The following PLEKHM1 variants were observed in gnomAD, a reference collection of about 807,000 sequenced individuals.
PLEKHM1 encodes pleckstrin homology domain-containing family M member 1.
Under a neutral mutation model 94.3 loss-of-function variants are expected in PLEKHM1, and 28 were observed. The observed-to-expected ratio is 0.30, with a 90% CI of 0.22 to 0.41. The LOEUF (loss-of-function observed/expected upper bound fraction) is 0.41, where lower values mean the gene tolerates loss of function less well. Ranked by LOEUF, PLEKHM1 falls within the 10% of genes least tolerant of loss-of-function variation. The probability of loss-of-function intolerance (pLI) is 1.00; values close to 1 mark genes in which losing one functional copy is unlikely to be tolerated. For synonymous variants in PLEKHM1, 424 were observed against 581.2 expected, an observed-to-expected ratio of 0.73 and a Z score of 3.89; for missense variants, 907 against 1,358.6, an observed-to-expected ratio of 0.67 and a Z score of 5.22.
intron 4 of PLEKHM1, among the ~76,000 whole-genome samples, chr17:45,470,421 G>A (rs1445719410): frequency 6.6e-6 from 1 of 152,414 alleles, no homozygotes; most frequent in Non-Finnish European, 1.5e-5. Context: ...CTGAGGCCAG[G>A]AGTTCGAGAT....
rs530311585 is a variant in PLEKHM1 at position 45,445,027 on chromosome 17, G to A, written c.2837+443C>T. Among the ~76,000 whole-genome samples the A allele has an allele frequency of 5.1e-4, 78 of 152,314 alleles. No individual in the cohort carries two copies. Among genetic ancestry groups the A allele is most frequent in the African/African-American group, 1.6e-3 (66 of 41,568 alleles). On this transcript the variant is annotated intron_variant, in intron 9 of 11. Coordinates refer to ENST00000430334, the MANE Select transcript of PLEKHM1 (RefSeq NM_014798.3). The surrounding 1 kb of genome is among the most constrained non-coding windows in gnomAD (Gnocchi z 4.2). ...CTTCCCTGCCAGGCCAGAGACTTCC[G>A]GCGGGTCGGCCCTGGCTCTGTCCTG...
In PLEKHM1 at chr17:45,457,279, T is replaced by C. The variant is rs1303434624; in HGVS notation, c.1579+890A>G. Among the ~76,000 whole-genome samples the C allele has an allele frequency of 3.4e-5, 5 of 148,914 alleles. No homozygotes were observed. In the East Asian group the frequency reaches 6.0e-4, roughly 18 times the overall value. ...ACCATCTTTATTAAAAATGCAAAAATTGGCCAGGCGCAGTGGCTCATGCCT... is the reference window on the plus strand; with the variant it reads ...ACCATCTTTATTAAAAATGCAAAAACTGGCCAGGCGCAGTGGCTCATGCCT... On this transcript the variant is annotated intron_variant, in intron 6 of 11. Coordinates refer to ENST00000430334, the MANE Select transcript of PLEKHM1 (RefSeq NM_014798.3).
Position 45,437,933 on chromosome 17 carries a change from G to A in PLEKHM1, c.3096C>T (p.Cys1032=), listed in dbSNP as rs775086511. ...AECKTVFHQS[C]QAVVKKGCPR... ...GGCAGCCCTTCTTCACCACAGCCTGGCAGCTCTGGTGGAAGACGGTCTTGC... is the reference window on the plus strand; with the variant it reads ...GGCAGCCCTTCTTCACCACAGCCTGACAGCTCTGGTGGAAGACGGTCTTGC... The change falls in exon 12 of 12, where the codon TGC becomes TGT. Residue 1032 remains cysteine (C), a synonymous_variant. Coordinates refer to ENST00000430334, the MANE Select transcript of PLEKHM1 (RefSeq NM_014798.3). This position sits in a 1 kb window ranked among gnomAD's most constrained non-coding sequence, Gnocchi z 4.0. The A allele has an allele frequency of 2.1e-5, 34 of 1,613,596 alleles. No homozygotes were observed. The highest frequency in any genetic ancestry group is 2.8e-5 in the Non-Finnish European group (33 of 1,179,990).
chr17:45,454,637 C>T (rs2050889083), intron 6 of PLEKHM1: 1 of 461,496 alleles, frequency 2.2e-6, no homozygotes, highest in South Asian at 2.2e-5. Context: ...TCTCCCTTGG[C>T]CAACTACTCA....
intron 5 of PLEKHM1, among the ~76,000 whole-genome samples, chr17:45,466,485 T>G (rs1454733787): frequency 6.6e-6 from 1 of 152,182 alleles, no homozygotes; most frequent in Non-Finnish European, 1.5e-5. Context: ...AAAAAGATAC[T>G]TGATAAATAT....
rs768099118 is a variant in PLEKHM1 at position 45,475,704 on chromosome 17, G to T, written c.319C>A (p.His107Asn). ...ACATCCGTGTTGACAAACGTCAGGT[G>T]CTCCAACTCTGAGATGATGTGTCTG... is the stretch of plus-strand genomic sequence containing the variant. ...THKHIISELE[H>N]LTFVNTDVGR... The change falls in exon 4 of 12, where the codon CAC (histidine) becomes AAC (asparagine). Residue 107 changes from histidine to asparagine, a missense_variant. Physicochemically the swap from His to Asn is moderately conservative, Grantham distance 68. Around this residue, in one of 3 missense-constraint regions of PLEKHM1, gnomAD observed 176 missense variants for 306.0 expected, o/e 0.58. Transcript: ENST00000430334. 8 of 1,610,758 alleles carry T rather than the reference G, an allele frequency of 5.0e-6. No individual in the cohort carries two copies. The East Asian group carries it at 1.8e-4, about 36-fold the overall frequency.
At chr17:45,477,051 A>G (rs1250145524) in intron 3 of PLEKHM1, 4 of 152,276 alleles carry the variant, frequency 2.6e-5, no homozygotes, top group African/African-American at 9.6e-5. Flanking sequence ...TTTGGGCTGA[A>G]GGTGGCATTT....
In PLEKHM1 at chr17:45,436,018, T is replaced by G. The variant is rs1351899822; in HGVS notation, c.*1840A>C. 2.2e-6 allele frequency: 1 copy of G among 456,672 alleles called. No individual in the cohort carries two copies. Among genetic ancestry groups the G allele is most frequent in the Non-Finnish European group, 4.4e-6 (1 of 226,978 alleles). 28.3% of individuals were successfully genotyped at this position (456,672 alleles called of 1,614,324 possible). A position where few individuals can be genotyped will look rare whatever the true frequency, so the allele number is the denominator to read the frequency against. On this transcript the variant is annotated 3_prime_UTR_variant, in exon 12 of 12. Coordinates refer to ENST00000430334, the MANE Select transcript of PLEKHM1 (RefSeq NM_014798.3). The stretch of plus-strand genomic sequence containing the variant: ...GCCCTGCTCACTAGGAACAGTGTAT[T>G]GCATAAAATAACATTTTAAAAATAG...
At chr17:45,463,177 G>C (rs2051207797) in intron 5 of PLEKHM1, among the ~76,000 whole-genome samples, 1 of 151,924 alleles carries the variant, frequency 6.6e-6, no homozygotes, top group Non-Finnish European at 1.5e-5. Context: ...TTCAGACACA[G>C]TCCATTGAGC....
Position 45,445,679 on chromosome 17 carries a change from G to A in PLEKHM1, c.2644-16C>T, listed in dbSNP as rs1390218390. 6.2e-7 allele frequency: 1 copy of A among 1,612,614 alleles called. No homozygotes were observed. Among genetic ancestry groups the A allele is most frequent in the South Asian group, 1.1e-5 (1 of 91,056 alleles). On this transcript the variant is annotated splice_polypyrimidine_tract_variant and intron_variant, in intron 8 of 11. Coordinates refer to ENST00000430334, the MANE Select transcript of PLEKHM1 (RefSeq NM_014798.3). This position sits in a 1 kb window ranked among gnomAD's most constrained non-coding sequence, Gnocchi z 4.2. ...GCCTGCAGATCTGGGGGTACCACCA[G>A]GCATTGGGGATGGGAAGGAATGGCT...
intron 2 of PLEKHM1, among the ~76,000 whole-genome samples, chr17:45,480,953 A>C (rs2051933615): frequency 6.6e-6 from 1 of 152,232 alleles, no homozygotes; most frequent in Non-Finnish European, 1.5e-5. Context: ...GTGGAACTGT[A>C]CACATAACCC....
At chr17:45,435,857 C>G, downstream of PLEKHM1, 1 of 423,920 alleles carries the variant, frequency 2.4e-6, no homozygotes, top group Non-Finnish European at 4.8e-6. Context: ...CTGGTGGTCT[C>G]CCCCCTGGCC....
chr17:45,438,703 C>T (rs1334077463), intron 11 of PLEKHM1, among the ~76,000 whole-genome samples: 3 of 152,020 alleles, frequency 2.0e-5, no homozygotes, highest in African/African-American at 7.2e-5. Context: ...ATTACAGGTG[C>T]CCACCACCAC....
At chr17:45,463,132 C>A (rs1159965990) in intron 5 of PLEKHM1, among the ~76,000 whole-genome samples, 1 of 151,688 alleles carries the variant, frequency 6.6e-6, no homozygotes, top group Non-Finnish European at 1.5e-5. Flanking sequence ...GGGAGGACTT[C>A]TCTCTCCTTT....
At chr17:45,487,160 A>T (rs567252581) in intron 1 of PLEKHM1, among the ~76,000 whole-genome samples, 153 of 152,282 alleles carry the variant, frequency 1.0e-3, no homozygotes, top group African/African-American at 3.6e-3. Flanking sequence ...GCCCCAAACC[A>T]CACCAAGTCT....
chr17:45,475,685 G>A lies in PLEKHM1; in HGVS notation c.338C>T (p.Thr113Met), dbSNP rs752261031. 4.3e-6 allele frequency: 7 copies of A among 1,613,412 alleles called. No individual in the cohort carries two copies. Among genetic ancestry groups the A allele is most frequent in the East Asian group, 2.2e-5 (1 of 44,850 alleles). ...CCATGCCCGGCAGCGGCCCACATCCGTGTTGACAAACGTCAGGTGCTCCAA... is the reference window on the plus strand; with the variant it reads ...CCATGCCCGGCAGCGGCCCACATCCATGTTGACAAACGTCAGGTGCTCCAA... ...SELEHLTFVN[T>M]DVGRCRAWLR... The change falls in exon 4 of 12, where the codon ACG (threonine) becomes ATG (methionine). Residue 113 changes from threonine (T) to methionine (M), a missense_variant. By Grantham distance (81) the Thr-to-Met change is moderately conservative. This residue lies in a region of PLEKHM1 where 176 missense variants were observed against 306.0 expected (regional missense o/e 0.58). Transcript: ENST00000430334.
intron 1 of PLEKHM1, among the ~76,000 whole-genome samples, chr17:45,488,349 G>A (rs2052194181): frequency 6.6e-6 from 1 of 152,190 alleles, no homozygotes; most frequent in South Asian, 2.1e-4. Flanking sequence ...CTGGAACAGT[G>A]TTTGTCACAC....
At chr17:45,485,885 C>T (rs1221243488) in intron 1 of PLEKHM1, among the ~76,000 whole-genome samples, 1 of 151,388 alleles carries the variant, frequency 6.6e-6, no homozygotes, top group East Asian at 2.0e-4. Context: ...TGCCACTGCA[C>T]TCCAGCCGGG....
chr17:45,462,225 G>A (rs1296256055), intron 5 of PLEKHM1, among the ~76,000 whole-genome samples: 1 of 152,162 alleles, frequency 6.6e-6, no homozygotes, highest in Non-Finnish European at 1.5e-5. Context: ...TCCTCCACGG[G>A]GCCTTCAGAA....
Sources: gnomAD v4.1 joint callset for allele counts (sites outside exome capture counted in the v4.1 genomes callset) on GRCh38, gnomAD v4.1.1 for gene constraint, gnomAD v4.1.1 regional missense constraint, Gnocchi (gnomAD v3.1) non-coding constraint, MANE v1.5 for transcripts, NCBI Gene and HGNC (gene_info 2026-07-23, HGNC 2026-07-21) for gene names.